Variants in FREM3 observed in about 807,000 individuals in gnomAD.
FREM3 encodes FRAS1 related extracellular matrix 3.
Under a neutral mutation model 129.1 loss-of-function variants are expected in FREM3, and 105 were observed. That is an observed-to-expected ratio of 0.81 (90% CI 0.69 to 0.96). The LOEUF (loss-of-function observed/expected upper bound fraction) is 0.96, where lower values mean the gene tolerates loss of function less well. Among genes scored for constraint, FREM3 ranks in the 40% least tolerant of loss-of-function variants. FREM3 has a pLI of 0.00. For missense variants in FREM3, 2,593 were observed against 2,666.3 expected, an observed-to-expected ratio of 0.97 and a Z score of 0.61; for synonymous variants, 1,014 against 1,044.9, an observed-to-expected ratio of 0.97 and a Z score of 0.57.
intron 6 of FREM3, among the ~76,000 whole-genome samples, chr4:143,607,734 G>A (rs574656863): frequency 1.3e-5 from 2 of 152,184 alleles, no homozygotes; most frequent in Non-Finnish European, 2.9e-5. Context: ...TTATATAGAC[G>A]TTTCCTCCAG....
chr4:143,650,561 G>A (rs1215785730), intron 2 of FREM3, among the ~76,000 whole-genome samples: 1 of 152,214 alleles, frequency 6.6e-6, no homozygotes, highest in African/African-American at 2.4e-5. Flanking sequence ...CACACTCATA[G>A]CTCACTGCAG....
rs35835336 is a variant in FREM3 at position 143,622,403 on chromosome 4, CTTTTTTTTT to C, written c.5654-1250_5654-1242del. Among the ~76,000 whole-genome samples the C allele has an allele frequency of 2.8e-3, 389 of 138,870 alleles. 3 individuals carry two copies. Among genetic ancestry groups the C allele is most frequent in the Non-Finnish European group, 4.9e-3 (319 of 65,330 alleles). The allele number at this position is 138,870 out of a possible 152,430, so 91.1% of individuals were successfully genotyped here. ...GCCACTGCACCCGGCTGGCAATCAT[CTTTTTTTTT>C]TTTTTTTTTCCCATTTTGGAACTAT... On this transcript the variant is annotated intron_variant, in intron 4 of 7. Coordinates refer to ENST00000329798, the MANE Select transcript of FREM3 (RefSeq NM_001168235.2).
At chr4:143,604,030 A>G (rs1738623004) in intron 6 of FREM3, among the ~76,000 whole-genome samples, 1 of 152,190 alleles carries the variant, frequency 6.6e-6, no homozygotes, top group African/African-American at 2.4e-5. Flanking sequence ...TGGATCTCTC[A>G]TGAACATCTT....
intron 2 of FREM3, among the ~76,000 whole-genome samples, chr4:143,683,614 A>G (rs909404588): frequency 6.6e-6 from 1 of 152,212 alleles, no homozygotes; most frequent in African/African-American, 2.4e-5. Context: ...GGACAAGGAA[A>G]TCTCTAGGTG....
At chr4:143,648,768 G>T (rs1249741231) in intron 2 of FREM3, among the ~76,000 whole-genome samples, 4 of 152,118 alleles carry the variant, frequency 2.6e-5, no homozygotes, top group Non-Finnish European at 5.9e-5. Flanking sequence ...TCATAGCTGT[G>T]TGAGAATGGA....
intron 5 of FREM3, among the ~76,000 whole-genome samples, chr4:143,615,660 T>C (rs1738829521): frequency 6.6e-6 from 1 of 151,934 alleles, no homozygotes; most frequent in African/African-American, 2.4e-5. Flanking sequence ...CTGGCTTTTC[T>C]GTTCTCATAG....
intron 6 of FREM3, among the ~76,000 whole-genome samples, chr4:143,588,165 C>T (rs536010606): frequency 5.0e-4 from 76 of 152,230 alleles, no homozygotes; most frequent in African/African-American, 1.8e-3. Flanking sequence ...TGGTCTCCTT[C>T]GAGCCCCCTC....
At chr4:143,589,317 T>C (rs1738307524) in intron 6 of FREM3, among the ~76,000 whole-genome samples, 1 of 152,244 alleles carries the variant, frequency 6.6e-6, no homozygotes, top group Non-Finnish European at 1.5e-5. Context: ...TCCTTGCCCA[T>C]GCCTATGTCC....
intron 2 of FREM3, among the ~76,000 whole-genome samples, chr4:143,678,282 T>C (rs925710579): frequency 2.0e-5 from 3 of 151,918 alleles, no homozygotes; most frequent in Non-Finnish European, 4.4e-5. Flanking sequence ...CAGCAAACTA[T>C]TGCAAGGACA....
chr4:143,611,111 T>C (rs11936025), intron 6 of FREM3, among the ~76,000 whole-genome samples, 168 bp downstream of exon 6: 1 of 152,266 alleles, frequency 6.6e-6, no homozygotes, highest in South Asian at 2.1e-4. Context: ...TTGTCATTGG[T>C]GTTGGTGATG....
intron 2 of FREM3, among the ~76,000 whole-genome samples, chr4:143,641,896 C>T (rs1739326171): frequency 6.6e-6 from 1 of 152,044 alleles, no homozygotes; most frequent in African/African-American, 2.4e-5. Context: ...ATCTTATATA[C>T]CCTTAAGGAA....
At position 143,677,769 on chromosome 4, in the gene FREM3, G is replaced by T. The variant is rs551547184; in HGVS notation, c.5275+15344C>A. On this transcript the variant is annotated intron_variant, in intron 2 of 7. Coordinates refer to ENST00000329798, the MANE Select transcript of FREM3 (RefSeq NM_001168235.2). Reference sequence around the variant, plus strand: ...CTTCTCAAAAGAAGACATTTATGCAGCCAACAGACATATGAAAAAATGCTC... The same window carrying T: ...CTTCTCAAAAGAAGACATTTATGCATCCAACAGACATATGAAAAAATGCTC... Among the ~76,000 whole-genome samples, 240 of 152,302 alleles carry T rather than the reference G, an allele frequency of 1.6e-3. 1 individual carries two copies. The highest frequency in any genetic ancestry group is 5.6e-3 in the African/African-American group (233 of 41,570).
At chr4:143,617,804 A>C (rs1738877701) in intron 5 of FREM3, among the ~76,000 whole-genome samples, 1 of 152,152 alleles carries the variant, frequency 6.6e-6, no homozygotes, top group Admixed American at 6.5e-5. Context: ...CCATTGGTGC[A>C]CTGGGGCTCT....
chr4:143,693,194 C>A lies in FREM3; in HGVS notation c.5194G>T (p.Asp1732Tyr). 13 of 1,488,930 alleles carry A rather than the reference C, an allele frequency of 8.7e-6. No individual in the cohort carries two copies. The highest frequency in any genetic ancestry group is 1.2e-5 in the Non-Finnish European group (13 of 1,118,418). The allele number at this position is 1,488,930 out of a possible 1,614,324, so 92.2% of individuals were successfully genotyped here. ...STRVFTQADI[D>Y]EMKISYVLNE... ...AAGACATAGGATATCTTCATCTCAT[C>A]AATGTCAGCTAAAAAAAAAGCAACC... The change falls in exon 2 of 8, where the codon GAT (aspartate) becomes TAT (tyrosine). Residue 1732 changes from aspartate (D) to tyrosine (Y), a missense_variant. Physicochemically the swap from Asp to Tyr is radical, Grantham distance 160. Coordinates refer to ENST00000329798, the MANE Select transcript of FREM3 (RefSeq NM_001168235.2).
chr4:143,655,902 A>G (rs1021624101), intron 2 of FREM3, among the ~76,000 whole-genome samples: 1 of 152,170 alleles, frequency 6.6e-6, no homozygotes, highest in Non-Finnish European at 1.5e-5. Context: ...TATAAAAGTA[A>G]AACTCCTCAG....
rs1249709307 is a variant in FREM3 at position 143,693,104 on chromosome 4, A to G, written c.5275+9T>C. On this transcript the variant is annotated intron_variant, in intron 2 of 7. Transcript: ENST00000329798. ...CATGAATCCTTTTGAAGGGTTTATT[A>G]TGACTTACCATTGTCTTCAACAGAG... The G allele has an allele frequency of 1.1e-5, 16 of 1,405,934 alleles. No individual in the cohort carries two copies. Among genetic ancestry groups the G allele is most frequent in the Admixed American group, 9.4e-5 (4 of 42,672 alleles). The allele number at this position is 1,405,934 out of a possible 1,614,324, so 87.1% of individuals were successfully genotyped here.
intron 5 of FREM3, among the ~76,000 whole-genome samples, chr4:143,615,339 T>A (rs1206106022): frequency 6.6e-6 from 1 of 152,238 alleles, no homozygotes; most frequent in East Asian, 1.9e-4. Flanking sequence ...CACAATTTTC[T>A]TTTAATATGT....
intron 2 of FREM3, among the ~76,000 whole-genome samples, chr4:143,665,350 A>C (rs1739839051): frequency 6.6e-6 from 1 of 152,012 alleles, no homozygotes; most frequent in South Asian, 2.1e-4. Flanking sequence ...CATAGCATTT[A>C]CCCTGCCTTA....
chr4:143,600,265 A>G (rs1047464248), intron 6 of FREM3, among the ~76,000 whole-genome samples: 1 of 152,200 alleles, frequency 6.6e-6, no homozygotes, highest in African/African-American at 2.4e-5. Context: ...GTTCTCACTT[A>G]TAAGTGGGAG....
Sources: allele counts gnomAD v4.1 joint callset (sites outside exome capture counted in the v4.1 genomes callset), GRCh38; gene constraint gnomAD v4.1.1; transcripts MANE v1.5; gene names NCBI Gene and HGNC (gene_info 2026-07-23, HGNC 2026-07-21).